Variants in GDAP1L1 observed in about 807,000 individuals in gnomAD.
GDAP1L1 encodes the protein ganglioside induced differentiation associated protein 1 like 1.
In GDAP1L1, 21 loss-of-function variants were observed where a neutral mutation model predicts 37.1. That is an observed-to-expected ratio of 0.57 (90% CI 0.40 to 0.81). GDAP1L1 has a LOEUF of 0.81. Among genes scored for constraint, GDAP1L1 ranks in the 40% least tolerant of loss-of-function variants. The probability of loss-of-function intolerance (pLI) is 0.00; values close to 1 mark genes in which losing one functional copy is unlikely to be tolerated. For missense variants in GDAP1L1, 362 were observed against 491.6 expected (o/e 0.74, Z 2.49); for synonymous variants, 193 against 209.1 (o/e 0.92, Z 0.67).
intron 3 of GDAP1L1, among the ~76,000 whole-genome samples, chr20:44,260,420 G>A (rs905229934): frequency 3.9e-5 from 6 of 152,092 alleles, no homozygotes; most frequent in Admixed American, 3.9e-4. Flanking sequence ...TGTCTTTGGG[G>A]AGCAGAACTA....
chr20:44,247,465 G>T lies in GDAP1L1; in HGVS notation c.131G>T (p.Arg44Met). 1 of 1,601,870 alleles carries T rather than the reference G, an allele frequency of 6.2e-7. No homozygotes were observed. Among genetic ancestry groups the T allele is most frequent in the East Asian group, 2.3e-5 (1 of 44,074 alleles). ...GCGGCCAGCCCCGCCCATTGGCCCA[G>T]GGAGAGCCTGGTTCTGTACCACTGG... ...PEAASPAHWP[R>M]ESLVLYHWTQ... The change falls in exon 1 of 6, where the codon AGG becomes ATG. Residue 44 changes from arginine to methionine, a missense_variant. Arg to Met is a moderately conservative substitution (Grantham distance 91). This residue lies in a region of GDAP1L1 where 277 missense variants were observed against 337.1 expected (regional missense o/e 0.82). Transcript: ENST00000342560.
chr20:44,260,386 T>C (rs895740329), intron 3 of GDAP1L1, among the ~76,000 whole-genome samples: 1 of 151,844 alleles, frequency 6.6e-6, no homozygotes, highest in Non-Finnish European at 1.5e-5. Flanking sequence ...TCTGGAAGGA[T>C]ACACAGAAGC....
At position 44,276,717 on chromosome 20, in the gene GDAP1L1, G is replaced by C. The variant is rs1600569891; in HGVS notation, c.761-2240G>C. Among the ~76,000 whole-genome samples, 3 of 95,644 alleles carry C rather than the reference G, an allele frequency of 3.1e-5. No individual in the cohort carries two copies. In the South Asian group the frequency reaches 1.0e-3, roughly 33 times the overall value. 62.7% of individuals were successfully genotyped at this position (95,644 alleles called of 152,430 possible). A position where few individuals can be genotyped will look rare whatever the true frequency, so the allele number is the denominator to read the frequency against. Reference sequence around the variant, plus strand: ...TTTATTGAGCACCTATTGTATGCCAGGCACAGTTCTAGATGCAGAGGATGT... The same window carrying C: ...TTTATTGAGCACCTATTGTATGCCACGCACAGTTCTAGATGCAGAGGATGT... On this transcript the variant is annotated intron_variant, in intron 5 of 5. Coordinates refer to ENST00000342560, the MANE Select transcript of GDAP1L1 (RefSeq NM_024034.6).
intron 3 of GDAP1L1, among the ~76,000 whole-genome samples, chr20:44,260,837 A>G (rs1024304860): frequency 2.0e-5 from 3 of 152,078 alleles, no homozygotes; most frequent in Non-Finnish European, 4.4e-5. Context: ...CAGAATTTGG[A>G]TTTTGTCCAA....
In GDAP1L1 at chr20:44,264,528, G is replaced by T; in HGVS notation, c.729G>T (p.Ala243=). The T allele has an allele frequency of 6.2e-7, 1 of 1,605,784 alleles. No homozygotes were observed. Among genetic ancestry groups the T allele is most frequent in the Non-Finnish European group, 8.5e-7 (1 of 1,175,548 alleles). ...CCATGGTGCTGGACCAGATTGAGGC[G>T]GAGCTGGAGAAGAGGAAGCTGGAGA... ...ELAMVLDQIE[A]ELEKRKLENE... Residue 243 remains alanine (A), a synonymous_variant, in exon 5 of 6, where the codon GCG becomes GCT. Coordinates refer to ENST00000342560, the MANE Select transcript of GDAP1L1 (RefSeq NM_024034.6).
chr20:44,257,112 G>T, intron 1 of GDAP1L1, 41 bp from the exon 2 acceptor site: 1 of 1,515,774 alleles, frequency 6.6e-7, no homozygotes, highest in Non-Finnish European at 8.8e-7. Context: ...AGTGTCCCCT[G>T]TGTCCGCCCG....
At chr20:44,253,612 G>C (rs1392098062) in intron 1 of GDAP1L1, among the ~76,000 whole-genome samples, 1 of 152,220 alleles carries the variant, frequency 6.6e-6, no homozygotes, top group Non-Finnish European at 1.5e-5. Context: ...CGTTTACCTA[G>C]AGATGGTTGA....
chr20:44,275,178 C>G (rs1299209554), intron 5 of GDAP1L1, among the ~76,000 whole-genome samples: 2 of 152,166 alleles, frequency 1.3e-5, no homozygotes, highest in Non-Finnish European at 2.9e-5. Context: ...GAGATGTGAG[C>G]CACTGCACCC....
intron 5 of GDAP1L1, among the ~76,000 whole-genome samples, chr20:44,272,615 A>T (rs12481568): frequency 0.079 from 11,964 of 152,080 alleles, 968 homozygotes; most frequent in East Asian, 0.31. Flanking sequence ...GGGCTCATCC[A>T]GGCCTGGGGT....
intron 5 of GDAP1L1, chr20:44,265,231 A>G (rs6031488): frequency 0.23 from 225,780 of 984,794 alleles, 29,633 homozygotes; most frequent in East Asian, 0.49. Context: ...TGGGCCTCTA[A>G]ACTTGGACAT....
rs367972189 is a variant in GDAP1L1, at chr20:44,279,024, C to G, written c.828C>G (p.Thr276=). ...FTLADVLLGA[T]LHRLKFLGLS... ...TCGCTGATGTCCTCCTGGGAGCCAC[C>G]CTGCACCGCCTCAAGTTCCTGGGAC... The change falls in exon 6 of 6, where the codon ACC becomes ACG. Residue 276 remains threonine (T), a synonymous_variant. Transcript: ENST00000342560. 2 of 1,614,128 alleles carry G rather than the reference C, an allele frequency of 1.2e-6. No homozygotes were observed. Among genetic ancestry groups the G allele is most frequent in the Non-Finnish European group, 1.7e-6 (2 of 1,179,990 alleles).
intron 1 of GDAP1L1, among the ~76,000 whole-genome samples, chr20:44,250,465 G>A (rs2073419407): frequency 6.6e-6 from 1 of 152,204 alleles, no homozygotes; most frequent in African/African-American, 2.4e-5. Flanking sequence ...TAAGTGCTGG[G>A]TGCTGTTATA....
In GDAP1L1 at chr20:44,275,738, G is replaced by A. The variant is rs184421821; in HGVS notation, c.761-3219G>A. Among the ~76,000 whole-genome samples, 9 of 152,244 alleles carry A rather than the reference G, an allele frequency of 5.9e-5. No individual in the cohort carries two copies. The East Asian group carries it at 1.5e-3, about 26-fold the overall frequency. On this transcript the variant is annotated intron_variant, in intron 5 of 5. Coordinates refer to ENST00000342560, the MANE Select transcript of GDAP1L1 (RefSeq NM_024034.6). The stretch of plus-strand genomic sequence containing the variant: ...GTGGGGGAGAATTAAAGATTTTTGA[G>A]CAAAGAGGAGATGTAAGAGACCAAA...
intron 4 of GDAP1L1, 47 bp from the exon 5 acceptor site, chr20:44,264,398 C>T (rs1332741429): frequency 7.0e-7 from 1 of 1,427,400 alleles, no homozygotes; most frequent in African/African-American, 1.4e-5. Flanking sequence ...AACATCCTGG[C>T]TCTATTGAGG....
chr20:44,258,665 C>T, intron 3 of GDAP1L1, 58 bp downstream of exon 3: 1 of 1,288,418 alleles, frequency 7.8e-7, no homozygotes, highest in Non-Finnish European at 1.1e-6. Context: ...CCGCTCCTTT[C>T]TTCCAAAGGA....
intron 5 of GDAP1L1, 139 bp from the exon 6 acceptor site, chr20:44,278,818 T>C (rs1339529389): frequency 1.7e-6 from 1 of 602,376 alleles, no homozygotes; most frequent in Non-Finnish European, 3.0e-6. Context: ...ATGGCAAAAA[T>C]CACTGAAGTT....
Position 44,247,466 on chromosome 20 carries a change from G to A in GDAP1L1, c.132G>A (p.Arg44=). ...PEAASPAHWP[R]ESLVLYHWTQ... ...CGGCCAGCCCCGCCCATTGGCCCAG[G>A]GAGAGCCTGGTTCTGTACCACTGGA... Residue 44 remains arginine (R), a synonymous_variant, in exon 1 of 6, where the codon AGG becomes AGA. Transcript: ENST00000342560. 2 of 1,601,894 alleles carry A rather than the reference G, an allele frequency of 1.2e-6. No individual in the cohort carries two copies. The highest frequency in any genetic ancestry group is 1.7e-6 in the Non-Finnish European group (2 of 1,174,516).
At chr20:44,251,962 G>A (rs77797769) in intron 1 of GDAP1L1, among the ~76,000 whole-genome samples, 1,927 of 152,250 alleles carry the variant, frequency 0.013, 52 homozygotes, top group African/African-American at 0.044. Flanking sequence ...TGTTGGAGTC[G>A]TGATGAGTGC....
chr20:44,271,061 G>C (rs1347290799), intron 5 of GDAP1L1, among the ~76,000 whole-genome samples: 1 of 152,000 alleles, frequency 6.6e-6, no homozygotes, highest in South Asian at 2.1e-4. Context: ...CCAGGAGTTC[G>C]AGACCAGTCT....
Sources: allele counts gnomAD v4.1 joint callset (sites outside exome capture counted in the v4.1 genomes callset), GRCh38; gene constraint gnomAD v4.1.1; regional missense constraint gnomAD v4.1.1; transcripts MANE v1.5; gene names NCBI Gene and HGNC (gene_info 2026-07-23, HGNC 2026-07-21).